RGS6: variants seen among roughly 807,000 people sequenced by gnomAD.
RGS6 encodes the protein regulator of G protein signaling 6.
RGS6 carries 30 observed loss-of-function variants against 78.5 expected under a neutral mutation model. The observed-to-expected ratio is 0.38, with a 90% CI of 0.29 to 0.52. The LOEUF (loss-of-function observed/expected upper bound fraction) is 0.52, where lower values mean the gene tolerates loss of function less well. Among genes scored for constraint, RGS6 ranks in the 20% least tolerant of loss-of-function variants. The pLI is 0.85. For missense variants in RGS6, 495 were observed against 609.7 expected (o/e 0.81, Z 1.98); for synonymous variants, 206 against 206.0 (o/e 1.00, Z 0.00).
chr14:72,619,098 C>G, the RGS6 span, among the ~76,000 whole-genome samples: 2 of 152,236 alleles, frequency 1.3e-5, no homozygotes, highest in African/African-American at 4.8e-5. Flanking sequence ...CAAGGAGGTG[C>G]TGGCTGAAGT....
intron 2 of RGS6, among the ~76,000 whole-genome samples, chr14:71,982,179 C>G (rs2094500209): frequency 6.6e-6 from 1 of 152,166 alleles, no homozygotes; most frequent in African/African-American, 2.4e-5. Flanking sequence ...GACCTGCGCC[C>G]AGTGTCTGGC....
intron 2 of RGS6, among the ~76,000 whole-genome samples, chr14:72,036,458 G>A (rs1219238363): frequency 6.6e-6 from 1 of 152,074 alleles, no homozygotes; most frequent in African/African-American, 2.4e-5. Context: ...AGATGTGCCT[G>A]TAACTTTATG....
chr14:71,948,738 C>CTTTTTTTT lies in RGS6; in HGVS notation c.-21+15798_-21+15799insTTTTTTTT, dbSNP rs766352167. Among the ~76,000 whole-genome samples, 167 of 75,214 alleles carry CTTTTTTTT rather than the reference C, an allele frequency of 2.2e-3. 29 individuals carry two copies. Among genetic ancestry groups the CTTTTTTTT allele is most frequent in the African/African-American group, 9.8e-3 (148 of 15,136 alleles). 49.3% of individuals were successfully genotyped at this position (75,214 alleles called of 152,430 possible). On this transcript the variant is annotated intron_variant, in intron 1 of 17. Coordinates refer to ENST00000553525, the MANE Select transcript of RGS6 (RefSeq NM_001204424.2). ...AAGCTGATTTCCTTTCTCTCTCTCT[C>CTTTTTTTT]TCTTTTTTTTTTTTTTTTTTTTTTT...
At chr14:72,205,857 C>A (rs1237431479) in intron 2 of RGS6, among the ~76,000 whole-genome samples, 4 of 152,206 alleles carry the variant, frequency 2.6e-5, no homozygotes, top group Non-Finnish European at 5.9e-5. Context: ...ATAATCTGTA[C>A]TAATCTCATC....
At chr14:72,024,093 A>C (rs1385160123) in intron 2 of RGS6, among the ~76,000 whole-genome samples, 2 of 26,294 alleles carry the variant, frequency 7.6e-5, no homozygotes, top group African/African-American at 2.3e-4. Context: ...CTCGGTAAAT[A>C]TTTGTTGAAT....
rs182232031 is a variant in RGS6 at position 71,937,543 on chromosome 14, C to T, written c.-21+4602C>T. Among the ~76,000 whole-genome samples, 57 of 152,274 alleles carry T rather than the reference C, an allele frequency of 3.7e-4. 2 individuals carry two copies. The East Asian group carries it at 8.7e-3, about 23-fold the overall frequency. ...CTAGTTGGCATTGTAATTGTGACTTCGAAAGGCCATTCCACCATTCTATCA... is the reference window on the plus strand; with the variant it reads ...CTAGTTGGCATTGTAATTGTGACTTTGAAAGGCCATTCCACCATTCTATCA... On this transcript the variant is annotated intron_variant, in intron 1 of 17. Coordinates refer to ENST00000553525, the MANE Select transcript of RGS6 (RefSeq NM_001204424.2).
At chr14:71,936,982 AT>A (rs1381536039) in intron 1 of RGS6, among the ~76,000 whole-genome samples, 1 of 152,120 alleles carries the variant, frequency 6.6e-6, no homozygotes, top group African/African-American at 2.4e-5. Context: ...GATCTGGACC[AT>A]TTGTAGTCCC....
At chr14:72,318,310 A>G (rs1375132826) in intron 2 of RGS6, among the ~76,000 whole-genome samples, 1 of 152,168 alleles carries the variant, frequency 6.6e-6, no homozygotes, top group Non-Finnish European at 1.5e-5. Context: ...CCTGGTTTAC[A>G]TGCTGGCCAT....
the RGS6 span, among the ~76,000 whole-genome samples, chr14:71,898,037 G>T: frequency 6.6e-6 from 1 of 150,630 alleles, no homozygotes; most frequent in Admixed American, 6.6e-5. Context: ...GTTTGTTTTG[G>T]GTACAAAGTG....
Position 72,476,803 on chromosome 14 carries a change from C to A in RGS6, c.755C>A (p.Pro252Gln). 6.2e-7 allele frequency: 1 copy of A among 1,614,154 alleles called. No homozygotes were observed. Among genetic ancestry groups the A allele is most frequent in the East Asian group, 2.2e-5 (1 of 44,882 alleles). ...AGCCCGGTGCATGTACTCAGCCAAC[C>A]AATCAGGAAAACAACAAAAGAGGAC... is the stretch of plus-strand genomic sequence containing the variant. Reference protein sequence around the residue: ...AQSPVHVLSQPIRKTTKEDIR... With the variant: ...AQSPVHVLSQQIRKTTKEDIR... The change falls in exon 11 of 18, where the codon CCA (proline) becomes CAA (glutamine). Residue 252 changes from proline to glutamine, a missense_variant. Coordinates refer to ENST00000553525, the MANE Select transcript of RGS6 (RefSeq NM_001204424.2).
chr14:72,234,208 C>T (rs1055455706), intron 2 of RGS6, among the ~76,000 whole-genome samples: 1 of 151,874 alleles, frequency 6.6e-6, no homozygotes. Context: ...TTAAGACAGG[C>T]TCATCTCTTG....
At chr14:71,997,342 G>T (rs1304166704) in intron 2 of RGS6, among the ~76,000 whole-genome samples, 3 of 152,174 alleles carry the variant, frequency 2.0e-5, no homozygotes, top group Admixed American at 2.0e-4. Flanking sequence ...CCAGAGCGCA[G>T]TTGTATACAG....
chr14:72,541,766 G>A (rs1046149715), intron 17 of RGS6: 58 of 785,434 alleles, frequency 7.4e-5, no homozygotes, highest in Non-Finnish European at 9.5e-5. Flanking sequence ...GAGGGTGACC[G>A]TGCAGGCCAC....
chr14:72,603,933 A>G, the RGS6 span, among the ~76,000 whole-genome samples: 1 of 152,204 alleles, frequency 6.6e-6, no homozygotes, highest in African/African-American at 2.4e-5. Context: ...ATAAAAAGGA[A>G]TCAGACAGAA....
At chr14:71,885,695 G>A in the RGS6 span, among the ~76,000 whole-genome samples, 2,054 of 152,262 alleles carry the variant, frequency 0.013, 47 homozygotes, top group African/African-American at 0.041. Flanking sequence ...ATAATACAGC[G>A]TTCAGTGCAT....
chr14:72,047,026 A>G (rs971468530), intron 2 of RGS6, among the ~76,000 whole-genome samples: 1 of 152,238 alleles, frequency 6.6e-6, no homozygotes, highest in African/African-American at 2.4e-5. Flanking sequence ...CAATGCTTGG[A>G]CAAATAGTAA....
chr14:72,098,949 CT>C (rs1466326251), intron 2 of RGS6, among the ~76,000 whole-genome samples: 1 of 152,198 alleles, frequency 6.6e-6, no homozygotes, highest in Non-Finnish European at 1.5e-5. Flanking sequence ...GGATTTCTTT[CT>C]TATTGTGCAC....
intron 2 of RGS6, among the ~76,000 whole-genome samples, chr14:72,068,484 C>CT (rs1055400422): frequency 2.1e-5 from 3 of 141,588 alleles, no homozygotes; most frequent in Non-Finnish European, 3.0e-5. Flanking sequence ...CCGTCTCTCC[C>CT]TCCCACTCTT....
intron 2 of RGS6, among the ~76,000 whole-genome samples, chr14:72,257,968 TTCC>T: frequency 1.3e-5 from 2 of 152,230 alleles, no homozygotes; most frequent in African/African-American, 4.8e-5. Flanking sequence ...AAACAGCTAA[TTCC>T]TTAAGACCTG....
Sources: gnomAD v4.1 joint callset for allele counts (sites outside exome capture counted in the v4.1 genomes callset) on GRCh38, gnomAD v4.1.1 for gene constraint, MANE v1.5 for transcripts, NCBI Gene and HGNC (gene_info 2026-07-23, HGNC 2026-07-21) for gene names.